MYO1E: variants seen among roughly 807,000 people sequenced by gnomAD.
MYO1E encodes myosin IE, also known as unconventional myosin-Ie.
A neutral mutation model predicts 151.1 loss-of-function variants in MYO1E; 68 were observed. The ratio of observed to expected loss-of-function variants is 0.45; its 90% CI spans 0.37 to 0.55. The LOEUF is 0.55. Ranked by LOEUF, MYO1E falls within the 20% of genes least tolerant of loss-of-function variation. The pLI is 0.00. For synonymous variants in MYO1E, 601 were observed against 501.7 expected (o/e 1.20, Z -2.64); for missense variants, 1,363 against 1,389.3 (o/e 0.98, Z 0.30).
In MYO1E at chr15:59,136,854, T is replaced by TA; in HGVS notation, c.*525dup. ...TCGCCCTGGGCTCAGCAGGCCAGCT[T>TA]ACCCTTGGCACGTACATGGGAAGTG... is the stretch of plus-strand genomic sequence containing the variant. On this transcript the variant is annotated 3_prime_UTR_variant, in exon 28 of 28. Coordinates refer to ENST00000288235, the MANE Select transcript of MYO1E (RefSeq NM_004998.4). 2.3e-6 allele frequency: 1 copy of TA among 442,908 alleles called. No homozygotes were observed. The highest frequency in any genetic ancestry group is 4.6e-6 in the Non-Finnish European group (1 of 218,956). 27.4% of individuals were successfully genotyped at this position (442,908 alleles called of 1,614,324 possible). A position where few individuals can be genotyped will look rare whatever the true frequency, so the allele number is the denominator to read the frequency against.
At position 59,168,752 on chromosome 15, in the gene MYO1E, C is replaced by G. The variant is rs574838831; in HGVS notation, c.2480+3145G>C. 8.5e-5 allele frequency among the ~76,000 whole-genome samples: 13 copies of G among 152,188 alleles called. No individual in the cohort carries two copies. The East Asian group carries it at 2.5e-3, about 30-fold the overall frequency. ...CCTCCCACCTCAGCTTCCTGAGTAG[C>G]TGGGACCACGGGCACGTACCACCAC... On this transcript the variant is annotated intron_variant, in intron 22 of 27. Coordinates refer to ENST00000288235, the MANE Select transcript of MYO1E (RefSeq NM_004998.4).
At chr15:59,251,383 A>G (rs1467992563) in intron 4 of MYO1E, among the ~76,000 whole-genome samples, 1 of 152,222 alleles carries the variant, frequency 6.6e-6, no homozygotes, top group Non-Finnish European at 1.5e-5. Flanking sequence ...AGTCAGTGTC[A>G]TGAAAAAAAA....
chr15:59,163,949 A>G (rs1232170251), intron 22 of MYO1E, among the ~76,000 whole-genome samples: 1 of 152,240 alleles, frequency 6.6e-6, no homozygotes, highest in African/African-American at 2.4e-5. Flanking sequence ...CTTCAAGCTA[A>G]TGAATTTTGT....
chr15:59,217,879 T>G lies in MYO1E; in HGVS notation c.1107+12A>C. On this transcript the variant is annotated intron_variant, in intron 10 of 27. Transcript: ENST00000288235. ...ATATGAAGCATCACCAGCATCAACT[T>G]CTGTTACTTACATCTACCAAGAAAT... 1 of 1,613,684 alleles carries G rather than the reference T, an allele frequency of 6.2e-7. No individual in the cohort carries two copies. Among genetic ancestry groups the G allele is most frequent in the Non-Finnish European group, 8.5e-7 (1 of 1,179,636 alleles).
chr15:59,319,278 T>A (rs1453008480), intron 1 of MYO1E, among the ~76,000 whole-genome samples: 2 of 152,186 alleles, frequency 1.3e-5, no homozygotes, highest in Non-Finnish European at 2.9e-5. Context: ...GCCACTGCAC[T>A]CTAGCCTGGG....
chr15:59,193,276 A>G (rs1291992697), intron 17 of MYO1E, among the ~76,000 whole-genome samples: 1 of 152,220 alleles, frequency 6.6e-6, no homozygotes, highest in Non-Finnish European at 1.5e-5. Context: ...AACCAATGTA[A>G]GAGAGCAAAA....
chr15:59,246,515 A>C (rs1249884800), intron 4 of MYO1E, among the ~76,000 whole-genome samples: 1 of 152,202 alleles, frequency 6.6e-6, no homozygotes, highest in Non-Finnish European at 1.5e-5. Flanking sequence ...TTACAGGCTT[A>C]CTGAAAGTCA....
intron 1 of MYO1E, among the ~76,000 whole-genome samples, chr15:59,328,435 C>G (rs1387978649): frequency 6.6e-6 from 1 of 151,868 alleles, no homozygotes; most frequent in Non-Finnish European, 1.5e-5. Flanking sequence ...GGCCCCTCTC[C>G]CAATACACGC....
chr15:59,354,867 AC>A (rs1296007629), intron 1 of MYO1E, among the ~76,000 whole-genome samples: 4 of 151,910 alleles, frequency 2.6e-5, no homozygotes, highest in African/African-American at 4.8e-5. Context: ...CTCCACAGCT[AC>A]CCCCTCCTGC....
At chr15:59,259,242 T>C (rs1253730103) in intron 3 of MYO1E, among the ~76,000 whole-genome samples, 6 of 152,214 alleles carry the variant, frequency 3.9e-5, no homozygotes, top group African/African-American at 1.4e-4. Flanking sequence ...GTTTGTAAGA[T>C]TGGAACAAAG....
At chr15:59,300,858 T>C (rs1410345940) in intron 1 of MYO1E, among the ~76,000 whole-genome samples, 1 of 144,268 alleles carries the variant, frequency 6.9e-6, no homozygotes, top group Admixed American at 6.7e-5. Context: ...CTTTTTTTCC[T>C]TTTTTTTCTT....
chr15:59,178,319 C>T (rs1274594649), intron 19 of MYO1E, 74 bp downstream of exon 19: 2 of 1,565,600 alleles, frequency 1.3e-6, no homozygotes, highest in South Asian at 1.1e-5. Context: ...AAAAAGAAGC[C>T]AGCTGAGGGG....
At chr15:59,157,199 T>A (rs1240098760) in intron 25 of MYO1E, among the ~76,000 whole-genome samples, 1 of 152,112 alleles carries the variant, frequency 6.6e-6, no homozygotes. Context: ...GCACTCCAGT[T>A]GGGCAACTGA....
chr15:59,225,342 A>G (rs951247568), intron 7 of MYO1E, among the ~76,000 whole-genome samples: 2 of 152,146 alleles, frequency 1.3e-5, no homozygotes, highest in African/African-American at 4.8e-5. Flanking sequence ...GAACCCTTGC[A>G]TGGCTATTTT....
chr15:59,188,295 C>T, intron 17 of MYO1E, 79 bp from the exon 18 acceptor site: 1 of 1,110,854 alleles, frequency 9.0e-7, no homozygotes, highest in Admixed American at 1.7e-5. Flanking sequence ...ACCCCCAAGC[C>T]CCCAGTTCCA....
chr15:59,254,360 A>C (rs1417258779), intron 4 of MYO1E, among the ~76,000 whole-genome samples: 1 of 152,088 alleles, frequency 6.6e-6, no homozygotes, highest in East Asian at 1.9e-4. Context: ...GCTAATTAAA[A>C]AAACTTTTTT....
At chr15:59,151,045 ACACACG>A (rs1199158873) in intron 26 of MYO1E, among the ~76,000 whole-genome samples, 64 of 75,486 alleles carry the variant, frequency 8.5e-4, no homozygotes, top group Non-Finnish European at 6.5e-4. Context: ...ACACACACAC[ACACACG>A]CGCGCGCGCG....
chr15:59,208,174 A>G (rs1387863544), intron 14 of MYO1E: 12 of 1,217,286 alleles, frequency 9.9e-6, no homozygotes, highest in African/African-American at 1.5e-5. Context: ...TTGAATTCCT[A>G]AAAGATGGAA....
chr15:59,226,718 G>A, intron 7 of MYO1E, among the ~76,000 whole-genome samples: 1 of 152,138 alleles, frequency 6.6e-6, no homozygotes. Flanking sequence ...GAGGCAGGGG[G>A]ATCATTTGAG....
Sources: allele counts gnomAD v4.1 joint callset (sites outside exome capture counted in the v4.1 genomes callset), GRCh38; gene constraint gnomAD v4.1.1; transcripts MANE v1.5; gene names NCBI Gene and HGNC (gene_info 2026-07-23, HGNC 2026-07-21).